The following ZNF407 variants were observed in gnomAD, a reference collection of about 807,000 sequenced individuals.
ZNF407 encodes zinc finger protein 407.
ZNF407 carries 17 observed loss-of-function variants against 131.2 expected under a neutral mutation model. The observed-to-expected ratio is 0.13, with a 90% CI of 0.09 to 0.19. The LOEUF (loss-of-function observed/expected upper bound fraction) is 0.19, where lower values mean the gene tolerates loss of function less well. Among genes scored for constraint, ZNF407 ranks in the 10% least tolerant of loss-of-function variants. ZNF407 has a pLI of 1.00. For synonymous variants in ZNF407, 1,156 were observed against 1,062.0 expected, an observed-to-expected ratio of 1.09 and a Z score of -1.72; for missense variants, 2,681 against 2,830.6, an observed-to-expected ratio of 0.95 and a Z score of 1.20.
chr18:74,966,262 C>T (rs1972408237), intron 8 of ZNF407, among the ~76,000 whole-genome samples: 1 of 152,072 alleles, frequency 6.6e-6, no homozygotes, highest in Non-Finnish European at 1.5e-5. Context: ...AGAGAGTTTC[C>T]CCAGTGTTTT....
intron 4 of ZNF407, among the ~76,000 whole-genome samples, chr18:74,796,610 T>C (rs770660343): frequency 7.9e-5 from 12 of 152,218 alleles, no homozygotes; most frequent in Non-Finnish European, 1.3e-4. Context: ...AATGCACTTT[T>C]GGCATCTTTT....
intron 3 of ZNF407, among the ~76,000 whole-genome samples, chr18:74,713,358 CTTTT>C (rs5826345): frequency 4.6e-4 from 39 of 84,442 alleles, no homozygotes; most frequent in South Asian, 2.1e-3. Flanking sequence ...ATTTTAGCAT[CTTTT>C]TTTTTTTTTT....
rs201588368 is a variant in ZNF407, at chr18:74,676,311, C to CA, written c.4802+35192dup. Among the ~76,000 whole-genome samples, 1,178 of 152,174 alleles carry CA rather than the reference C, an allele frequency of 7.7e-3. 16 individuals are homozygous for CA. Among genetic ancestry groups the CA allele is most frequent in the African/African-American group, 0.027 (1,116 of 41,512 alleles). On this transcript the variant is annotated intron_variant, in intron 3 of 8. Coordinates refer to ENST00000299687, the MANE Select transcript of ZNF407 (RefSeq NM_017757.3). ...TTCACTGTGTTGCCCAGGCTGGTCT[C>CA]AAACTCCTGAGCTCAGGCAATCCGC...
chr18:74,616,827 C>T (rs1983311734), intron 1 of ZNF407, among the ~76,000 whole-genome samples: 3 of 102,848 alleles, frequency 2.9e-5, no homozygotes, highest in Non-Finnish European at 6.2e-5. Flanking sequence ...CACACGCATC[C>T]ATATCCACGC....
chr18:74,795,172 A>C (rs1969896581), intron 4 of ZNF407, among the ~76,000 whole-genome samples: 1 of 152,228 alleles, frequency 6.6e-6, no homozygotes, highest in South Asian at 2.1e-4. Flanking sequence ...ATATTCCACC[A>C]AAACAAAGAT....
At chr18:74,682,542 G>T (rs764804881) in intron 3 of ZNF407, among the ~76,000 whole-genome samples, 5 of 152,174 alleles carry the variant, frequency 3.3e-5, no homozygotes, top group African/African-American at 1.2e-4. Context: ...TCTAAGGTGT[G>T]TAAGTAGCTG....
chr18:74,970,450 A>G (rs1972459733), intron 8 of ZNF407, among the ~76,000 whole-genome samples: 1 of 152,210 alleles, frequency 6.6e-6, no homozygotes, highest in African/African-American at 2.4e-5. Flanking sequence ...CCTAGATACA[A>G]TGGGGGTACA....
rs573256200 is a variant in ZNF407, at chr18:74,634,992, C to T, written c.3973C>T (p.Pro1325Ser). Residue 1325 changes from proline (P) to serine (S), a missense_variant, in exon 2 of 9, where the codon CCA becomes TCA. Pro to Ser is a moderately conservative substitution (Grantham distance 74). Around this residue, in one of 6 missense-constraint regions of ZNF407, gnomAD observed 1,789 missense variants for 1,748.7 expected, o/e 1.02. Transcript: ENST00000299687. ...ETEFILEEDG[P>S]ASDSTVESSD... The stretch of plus-strand genomic sequence containing the variant: ...AGAATTTATTTTGGAGGAGGATGGC[C>T]CAGCTTCTGATAGCACAGTTGAAAG... 58 of 1,613,876 alleles carry T rather than the reference C, an allele frequency of 3.6e-5. No individual in the cohort carries two copies. Among genetic ancestry groups the T allele is most frequent in the South Asian group, 2.1e-4 (19 of 91,082 alleles).
Position 75,040,012 on chromosome 18 carries a change from G to T in ZNF407, c.5429-23138G>T, listed in dbSNP as rs578094068. 5.3e-5 allele frequency among the ~76,000 whole-genome samples: 8 copies of T among 152,230 alleles called. No individual in the cohort carries two copies. The South Asian group carries it at 6.2e-4, about 12-fold the overall frequency. The stretch of plus-strand genomic sequence containing the variant: ...GTTCTGCAGTGCTCACAGCTACCTT[G>T]TTGGTCTCTCTCTCTGGTTCTTTCA... On this transcript the variant is annotated intron_variant, in intron 8 of 8. Coordinates refer to ENST00000299687, the MANE Select transcript of ZNF407 (RefSeq NM_017757.3).
At chr18:74,682,713 A>G (rs1216534580) in intron 3 of ZNF407, among the ~76,000 whole-genome samples, 3 of 152,164 alleles carry the variant, frequency 2.0e-5, no homozygotes, top group South Asian at 2.1e-4. Flanking sequence ...CTGTTTTTCT[A>G]TCTACAGTTC....
chr18:74,897,419 C>T (rs1971466986), intron 7 of ZNF407, among the ~76,000 whole-genome samples: 1 of 152,084 alleles, frequency 6.6e-6, no homozygotes, highest in Non-Finnish European at 1.5e-5. Flanking sequence ...CCATGCATTC[C>T]GTCTGCTATC....
At chr18:74,803,503 G>A (rs1970056977) in intron 4 of ZNF407, among the ~76,000 whole-genome samples, 1 of 152,152 alleles carries the variant, frequency 6.6e-6, no homozygotes, top group Admixed American at 6.5e-5. Context: ...AATTCATTTT[G>A]CATTGTTGAG....
intron 4 of ZNF407, among the ~76,000 whole-genome samples, chr18:74,863,950 GTTTT>G (rs1285009225): frequency 5.9e-5 from 9 of 151,298 alleles, no homozygotes; most frequent in Non-Finnish European, 1.3e-4. Flanking sequence ...TTGTTTTTTT[GTTTT>G]TTTAACTATC....
intron 8 of ZNF407, among the ~76,000 whole-genome samples, chr18:75,011,596 T>G (rs1972975138): frequency 1.3e-5 from 2 of 152,152 alleles, no homozygotes; most frequent in South Asian, 4.1e-4. Context: ...CCATTTAAGT[T>G]TTTTTCCCAA....
chr18:74,894,135 A>T (rs935065526), intron 7 of ZNF407, among the ~76,000 whole-genome samples: 1 of 152,100 alleles, frequency 6.6e-6, no homozygotes, highest in Non-Finnish European at 1.5e-5. Context: ...AGGCAATGAC[A>T]TCTCATTCTA....
Position 74,766,118 on chromosome 18 carries a change from A to T in ZNF407, c.4803-15310A>T, listed in dbSNP as rs183398955. ...ATAAAGTTAATATACTTGTTACAGA[A>T]ATTTGGTCTCATGCAACAATGGGAG... On this transcript the variant is annotated intron_variant, in intron 3 of 8. Transcript: ENST00000299687. Among the ~76,000 whole-genome samples, 17 of 151,834 alleles carry T rather than the reference A, an allele frequency of 1.1e-4. No homozygotes were observed. The East Asian group carries it at 3.3e-3, about 29-fold the overall frequency.
At chr18:74,734,920 T>A (rs1303958038) in intron 3 of ZNF407, among the ~76,000 whole-genome samples, 1 of 152,184 alleles carries the variant, frequency 6.6e-6, no homozygotes, top group Non-Finnish European at 1.5e-5. Flanking sequence ...CTTTATTTTC[T>A]GTTGTAAGTT....
At chr18:74,768,267 G>T (rs78571598) in intron 3 of ZNF407, among the ~76,000 whole-genome samples, 9,040 of 152,208 alleles carry the variant, frequency 0.059, 385 homozygotes, top group Non-Finnish European at 0.084. Context: ...AGTATGGAGT[G>T]CTGGTCAGTT....
intron 4 of ZNF407, among the ~76,000 whole-genome samples, chr18:74,820,335 C>T (rs959957649): frequency 6.6e-6 from 1 of 152,146 alleles, no homozygotes; most frequent in Non-Finnish European, 1.5e-5. Flanking sequence ...AGCAGCCCTA[C>T]AGACTGCAGA....
Sources: allele counts gnomAD v4.1 joint callset (sites outside exome capture counted in the v4.1 genomes callset), GRCh38; gene constraint gnomAD v4.1.1; regional missense constraint gnomAD v4.1.1; transcripts MANE v1.5; gene names NCBI Gene and HGNC (gene_info 2026-07-23, HGNC 2026-07-21).